CDIN1: variants seen among roughly 807,000 people sequenced by gnomAD.
The protein encoded by CDIN1 is CDAN1 interacting nuclease 1, also known as CDAN1-interacting nuclease 1.
CDIN1 carries 33 observed loss-of-function variants against 45.3 expected under a neutral mutation model. The ratio of observed to expected loss-of-function variants is 0.73; its 90% confidence interval spans 0.55 to 0.97. The LOEUF (loss-of-function observed/expected upper bound fraction) is 0.97. CDIN1 is among the 50% of genes least tolerant of loss of function. The pLI is 0.00. For missense variants in CDIN1, 303 were observed against 339.4 expected, an observed-to-expected ratio of 0.89 and a Z score of 0.84; for synonymous variants, 118 against 124.4, an observed-to-expected ratio of 0.95 and a Z score of 0.34.
chr15:36,691,644 T>C (rs776378342), intron 5 of CDIN1, 41 bp from the exon 6 acceptor site: 1 of 1,317,558 alleles, frequency 7.6e-7, no homozygotes, highest in East Asian at 2.4e-5. Context: ...ATTAAAAGTA[T>C]GTTGACTATC....
At chr15:36,659,780 G>A (rs2040923413) in intron 5 of CDIN1, among the ~76,000 whole-genome samples, 1 of 151,792 alleles carries the variant, frequency 6.6e-6, no homozygotes. Context: ...TCTCTGGACA[G>A]AAAATGGTTT....
intron 1 of CDIN1, among the ~76,000 whole-genome samples, chr15:36,591,369 G>A (rs929449192): frequency 2.6e-5 from 4 of 152,172 alleles, no homozygotes; most frequent in South Asian, 2.1e-4. Flanking sequence ...CTTACACTTC[G>A]AGCCCCATTT....
At chr15:36,687,796 T>C (rs1423565916) in intron 5 of CDIN1, among the ~76,000 whole-genome samples, 2 of 152,012 alleles carry the variant, frequency 1.3e-5, no homozygotes, top group Non-Finnish European at 2.9e-5. Context: ...AGCTCAAAAG[T>C]AGGAACTTCA....
At chr15:36,622,265 G>T (rs1178934052) in intron 1 of CDIN1, among the ~76,000 whole-genome samples, 1 of 152,048 alleles carries the variant, frequency 6.6e-6, no homozygotes, top group Non-Finnish European at 1.5e-5. Context: ...AGTGAAGCTA[G>T]TGGTGACCCA....
At chr15:36,773,938 A>G (rs2054142136) in intron 10 of CDIN1, among the ~76,000 whole-genome samples, 1 of 152,228 alleles carries the variant, frequency 6.6e-6, no homozygotes, top group Non-Finnish European at 1.5e-5. Context: ...ACACCTCTGA[A>G]AGCTACTTCC....
chr15:36,606,717 T>C (rs1045500998), intron 1 of CDIN1, among the ~76,000 whole-genome samples: 28 of 152,224 alleles, frequency 1.8e-4, no homozygotes, highest in Admixed American at 1.4e-3. Flanking sequence ...CTAAACTTTA[T>C]TTTAAAATGT....
chr15:36,678,723 C>A (rs1258732069), intron 5 of CDIN1, among the ~76,000 whole-genome samples: 4 of 152,190 alleles, frequency 2.6e-5, no homozygotes, highest in Admixed American at 2.6e-4. Context: ...TATTTGAGAT[C>A]TTAGATTAGG....
intron 10 of CDIN1, among the ~76,000 whole-genome samples, chr15:36,732,149 C>G (rs1362869081): frequency 1.3e-5 from 2 of 152,012 alleles, no homozygotes; most frequent in Non-Finnish European, 2.9e-5. Flanking sequence ...CCTCTATAGC[C>G]AAAAAATAAA....
chr15:36,644,539 A>T (rs575854348), intron 2 of CDIN1, among the ~76,000 whole-genome samples: 280 of 152,236 alleles, frequency 1.8e-3, no homozygotes, highest in Non-Finnish European at 1.8e-3. Flanking sequence ...GTGGACCTGT[A>T]ATAAATTATG....
intron 1 of CDIN1, chr15:36,618,566 C>T: frequency 2.2e-6 from 2 of 901,214 alleles, no homozygotes. Flanking sequence ...TCAAGAATCC[C>T]AGATAAACTC....
chr15:36,647,086 C>T lies in CDIN1; in HGVS notation c.212+1799C>T, dbSNP rs947203860. On this transcript the variant is annotated intron_variant, in intron 3 of 10. Transcript: ENST00000566621. ...TCACCCAGTCTGAGGTGCAGTGGCACGATCATAACTCACTGCAGCCTCAAC... is the reference window on the plus strand; with the variant it reads ...TCACCCAGTCTGAGGTGCAGTGGCATGATCATAACTCACTGCAGCCTCAAC... 2.8e-5 allele frequency among the ~76,000 whole-genome samples: 4 copies of T among 145,030 alleles called. No individual in the cohort carries two copies. In the East Asian group the frequency reaches 6.0e-4, roughly 22 times the overall value.
chr15:36,778,482 A>T (rs1335326624), intron 10 of CDIN1, among the ~76,000 whole-genome samples: 1 of 152,174 alleles, frequency 6.6e-6, no homozygotes, highest in Non-Finnish European at 1.5e-5. Context: ...ATCCTCTGCA[A>T]TTGTTTTACA....
At chr15:36,673,322 G>GA (rs1399247617) in intron 5 of CDIN1, among the ~76,000 whole-genome samples, 1 of 152,016 alleles carries the variant, frequency 6.6e-6, no homozygotes, top group African/African-American at 2.4e-5. Context: ...ATTCATCATG[G>GA]AAAATCAGCT....
chr15:36,716,386 G>A (rs1158852890), intron 10 of CDIN1, among the ~76,000 whole-genome samples: 2 of 152,104 alleles, frequency 1.3e-5, no homozygotes, highest in Non-Finnish European at 2.9e-5. Context: ...CATCCAGAGA[G>A]GGTAAGGGAA....
chr15:36,759,007 G>C lies in CDIN1; in HGVS notation c.716+49046G>C, dbSNP rs142345603. Among the ~76,000 whole-genome samples, 272 of 152,294 alleles carry C rather than the reference G, an allele frequency of 1.8e-3. 5 individuals carry two copies. In the East Asian group the frequency reaches 0.039, roughly 22 times the overall value. On this transcript the variant is annotated intron_variant, in intron 10 of 10. Coordinates refer to ENST00000566621, the MANE Select transcript of CDIN1 (RefSeq NM_001321759.2). ...GGGGTGAGAGTGGTTGGGATAGGGAGTTCCTCTTATGCCCAGTAAAAGCAG... is the reference window on the plus strand; with the variant it reads ...GGGGTGAGAGTGGTTGGGATAGGGACTTCCTCTTATGCCCAGTAAAAGCAG...
At chr15:36,702,358 G>T (rs912344801) in intron 8 of CDIN1, among the ~76,000 whole-genome samples, 6 of 152,142 alleles carry the variant, frequency 3.9e-5, no homozygotes, top group Admixed American at 3.9e-4. Flanking sequence ...GCTTCTCCCT[G>T]GCACTGAGAA....
intron 1 of CDIN1, among the ~76,000 whole-genome samples, chr15:36,593,650 A>G (rs1056924254): frequency 6.6e-6 from 1 of 151,920 alleles, no homozygotes; most frequent in African/African-American, 2.4e-5. Flanking sequence ...TGCAGACTCC[A>G]CCTCCTGGGT....
intron 5 of CDIN1, among the ~76,000 whole-genome samples, chr15:36,683,987 A>G (rs201256360): frequency 0.41 from 49,516 of 119,526 alleles, 11,212 homozygotes; most frequent in Admixed American, 0.49. Context: ...GAGACAATGG[A>G]GTTTTCTAGA....
At chr15:36,648,410 TA>T in intron 3 of CDIN1, among the ~76,000 whole-genome samples, 1 of 150,850 alleles carries the variant, frequency 6.6e-6, no homozygotes, top group East Asian at 1.9e-4. Flanking sequence ...GTCGAGCATA[TA>T]TGTTTCCAAT....
Sources: allele counts gnomAD v4.1 joint callset (sites outside exome capture counted in the v4.1 genomes callset), GRCh38; gene constraint gnomAD v4.1.1; transcripts MANE v1.5; gene names NCBI Gene and HGNC (gene_info 2026-07-23, HGNC 2026-07-21).